The following LRRC37A2 variants were observed in gnomAD, a reference collection of about 807,000 sequenced individuals.
LRRC37A2 encodes leucine-rich repeat-containing protein 37A2.
LRRC37A2 carries 9 observed loss-of-function variants against 68.8 expected under a neutral mutation model. The ratio of observed to expected loss-of-function variants is 0.13; its 90% CI spans 0.08 to 0.23. The LOEUF is 0.23. Ranked by LOEUF, LRRC37A2 falls within the 10% of genes least tolerant of loss-of-function variation. The probability of loss-of-function intolerance (pLI) is 1.00; values close to 1 mark genes in which losing one functional copy is unlikely to be tolerated. For synonymous variants in LRRC37A2, 63 were observed against 367.6 expected (o/e 0.17, Z 9.48); for missense variants, 168 against 950.4 (o/e 0.18, Z 10.82).
the LRRC37A2 span, among the ~76,000 whole-genome samples, chr17:46,948,060 C>T: frequency 9.2e-5 from 14 of 151,374 alleles, no homozygotes; most frequent in East Asian, 4.5e-4. Context: ...CGTGAGCCAC[C>T]GCGCCCAGCC....
the LRRC37A2 span, among the ~76,000 whole-genome samples, chr17:47,027,102 G>A: frequency 2.6e-5 from 4 of 152,046 alleles, no homozygotes; most frequent in Admixed American, 6.6e-5. Context: ...TTGTAGAGAC[G>A]GGGTTTCACC....
the LRRC37A2 span, among the ~76,000 whole-genome samples, chr17:46,934,156 C>T: frequency 5.5e-5 from 8 of 145,960 alleles, no homozygotes; most frequent in African/African-American, 2.2e-4. Flanking sequence ...TACCCACATT[C>T]CCAGCTCCAC....
the LRRC37A2 span, chr17:47,017,474 G>A: frequency 6.5e-7 from 1 of 1,527,376 alleles, no homozygotes; most frequent in East Asian, 2.3e-5. Flanking sequence ...CTTCCTCAGA[G>A]ATGCCAGCCC....
At chr17:46,907,689 C>CA in the LRRC37A2 span, among the ~76,000 whole-genome samples, 1 of 123,978 alleles carries the variant, frequency 8.1e-6, no homozygotes, top group Non-Finnish European at 1.5e-5. Context: ...AAAAAAAAAA[C>CA]AAAAAACCCA....
the LRRC37A2 span, among the ~76,000 whole-genome samples, chr17:46,781,779 G>A: frequency 1.3e-5 from 2 of 152,160 alleles, no homozygotes; most frequent in African/African-American, 4.8e-5. Flanking sequence ...CTTCAACTTC[G>A]CATCTAGAGC....
chr17:46,801,477 G>A, the LRRC37A2 span, among the ~76,000 whole-genome samples: 5 of 152,210 alleles, frequency 3.3e-5, no homozygotes, highest in East Asian at 1.9e-4. Flanking sequence ...AAAATTAGCC[G>A]AGCATGGTGG....
At chr17:46,533,961 C>T (rs896055837) in intron 6 of LRRC37A2, among the ~76,000 whole-genome samples, 2 of 121,658 alleles carry the variant, frequency 1.6e-5, no homozygotes, top group African/African-American at 4.1e-5. Context: ...TTGACAGTTT[C>T]TTCAGCACTT....
chr17:46,847,106 A>G, the LRRC37A2 span, among the ~76,000 whole-genome samples: 1 of 152,240 alleles, frequency 6.6e-6, no homozygotes, highest in Non-Finnish European at 1.5e-5. Flanking sequence ...AATGCAAGGA[A>G]GATAAAAACA....
At chr17:46,931,958 T>A in the LRRC37A2 span, 2 of 898,770 alleles carry the variant, frequency 2.2e-6, no homozygotes, top group Non-Finnish European at 3.7e-6. Flanking sequence ...TGTGGGGTGG[T>A]GTAGGGAGAA....
the LRRC37A2 span, among the ~76,000 whole-genome samples, chr17:46,695,295 C>T: frequency 4.4e-5 from 6 of 137,206 alleles, no homozygotes; most frequent in Admixed American, 1.4e-4. Flanking sequence ...GGAGTTTCCA[C>T]GTACTAGAAT....
the LRRC37A2 span, among the ~76,000 whole-genome samples, chr17:46,380,076 C>G: frequency 6.2e-5 from 1 of 16,242 alleles, no homozygotes; most frequent in Admixed American, 5.6e-4. Context: ...CAGGGTTTTG[C>G]TATGTTGGCC....
the LRRC37A2 span, among the ~76,000 whole-genome samples, chr17:46,502,770 G>A: frequency 1.3e-5 from 2 of 151,296 alleles, no homozygotes; most frequent in Non-Finnish European, 1.5e-5. Context: ...ATGGTCACCA[G>A]CAAGAACTGT....
chr17:46,711,082 C>G, the LRRC37A2 span: 1 of 1,574,262 alleles, frequency 6.4e-7, no homozygotes, highest in Non-Finnish European at 8.6e-7. Context: ...AGACTAAGAA[C>G]AGTGACCGCA....
chr17:46,554,030 T>C lies in LRRC37A2; in HGVS notation c.4859+581T>C. 3.0e-6 allele frequency: 3 copies of C among 995,578 alleles called. No individual in the cohort carries two copies. In the South Asian group the frequency reaches 1.3e-4, roughly 44 times the overall value. The allele number at this position is 995,578 out of a possible 1,614,324, so 61.7% of individuals were successfully genotyped here. A position where few individuals can be genotyped will look rare whatever the true frequency, so the allele number is the denominator to read the frequency against. On this transcript the variant is annotated intron_variant, in intron 12 of 14. Transcript: ENST00000576629. ...CTTCCTCTTAAGTGGCAGGAAACAG[T>C]ATTTTCTCTTTTATTTCTTTTTTTT... is the stretch of plus-strand genomic sequence containing the variant.
the LRRC37A2 span, among the ~76,000 whole-genome samples, chr17:46,781,958 T>TCTGAGAATGTGCA: frequency 6.6e-6 from 1 of 152,236 alleles, no homozygotes; most frequent in East Asian, 1.9e-4. Context: ...CCACCAGGCT[T>TCTGAGAATGTGCA]TTAACCTGGG....
the LRRC37A2 span, among the ~76,000 whole-genome samples, chr17:46,925,856 TAATG>T: frequency 2.5e-4 from 38 of 152,254 alleles, no homozygotes; most frequent in African/African-American, 5.8e-4. Flanking sequence ...TGAATGAAAA[TAATG>T]AATGAATGAA....
the LRRC37A2 span, chr17:46,875,411 C>T: frequency 6.5e-7 from 1 of 1,540,606 alleles, no homozygotes; most frequent in East Asian, 2.3e-5. Flanking sequence ...CACCAGGGTA[C>T]ACAGCTGGGG....
the LRRC37A2 span, among the ~76,000 whole-genome samples, chr17:46,753,887 A>G: frequency 6.6e-6 from 1 of 152,220 alleles, no homozygotes; most frequent in Non-Finnish European, 1.5e-5. Flanking sequence ...AGAGGCATGT[A>G]GTTTTGCAGA....
At chr17:46,932,305 A>G in the LRRC37A2 span, 17 of 1,331,162 alleles carry the variant, frequency 1.3e-5, no homozygotes, top group South Asian at 5.9e-5. Flanking sequence ...AAGAAGACTG[A>G]TGATGAGGAA....
Sources: allele counts gnomAD v4.1 joint callset (sites outside exome capture counted in the v4.1 genomes callset), GRCh38; gene constraint gnomAD v4.1.1; transcripts MANE v1.5; gene names NCBI Gene and HGNC (gene_info 2026-07-23, HGNC 2026-07-21).